Variants in C5orf24 observed in about 807,000 individuals in gnomAD.
C5orf24 encodes the protein chromosome 5 open reading frame 24.
C5orf24 carries 4 observed loss-of-function variants against 9.8 expected under a neutral mutation model. The ratio of observed to expected loss-of-function variants is 0.41; its 90% CI spans 0.20 to 0.93. The LOEUF is 0.93. Ranked by LOEUF, C5orf24 falls within the 40% of genes least tolerant of loss-of-function variation. The probability of loss-of-function intolerance (pLI) is 0.33; values close to 1 mark genes in which losing one functional copy is unlikely to be tolerated. For synonymous variants in C5orf24, 73 were observed against 81.3 expected (o/e 0.90, Z 0.55); for missense variants, 170 against 236.9 (o/e 0.72, Z 1.85).
At chr5:134,843,154 TTTACTAGA>T (rs1743887094), upstream of C5orf24, among the ~76,000 whole-genome samples, 1 of 152,006 alleles carries the variant, frequency 6.6e-6, no homozygotes, top group African/African-American at 2.4e-5. Flanking sequence ...TTTTTCTATT[TTTACTAGA>T]TACGAGGTTT....
At chr5:134,850,929 T>C (rs1317007710) in intron 1 of C5orf24, among the ~76,000 whole-genome samples, 1 of 149,780 alleles carries the variant, frequency 6.7e-6, no homozygotes, top group Non-Finnish European at 1.5e-5. Flanking sequence ...CATATATATA[T>C]ATATATATAC....
intron 1 of C5orf24, among the ~76,000 whole-genome samples, chr5:134,851,785 A>G (rs545659559): frequency 6.6e-6 from 1 of 152,346 alleles, no homozygotes; most frequent in Non-Finnish European, 1.5e-5. Context: ...GGATTAAATC[A>G]GATAATGTGC....
At chr5:134,854,149 G>A (rs374679230) in intron 1 of C5orf24, among the ~76,000 whole-genome samples, 1 of 152,180 alleles carries the variant, frequency 6.6e-6, no homozygotes, top group African/African-American at 2.4e-5. Flanking sequence ...TAAGTCTTAA[G>A]CATTTGTATA....
At chr5:134,839,547 G>C in the C5orf24 span, among the ~76,000 whole-genome samples, 3 of 152,120 alleles carry the variant, frequency 2.0e-5, no homozygotes, top group African/African-American at 7.2e-5. Context: ...GTTTTTTTCA[G>C]TTTGGCCTGC....
rs556697615 is a variant in C5orf24, at chr5:134,852,982, G to C, written c.-3-1916G>C. On this transcript the variant is annotated intron_variant, in intron 1 of 1. Coordinates refer to ENST00000394976, the MANE Select transcript of C5orf24 (RefSeq NM_001135586.1). The stretch of plus-strand genomic sequence containing the variant: ...AGATCAAGACCATCCTGGCTAACAC[G>C]GTGAAACCCCATCTCTACTAAAAAT... Among the ~76,000 whole-genome samples, 5 of 152,242 alleles carry C rather than the reference G, an allele frequency of 3.3e-5. No individual in the cohort carries two copies. The East Asian group carries it at 7.7e-4, about 23-fold the overall frequency.
chr5:134,843,437 T>C (rs1314426399), upstream of C5orf24, among the ~76,000 whole-genome samples: 2 of 152,292 alleles, frequency 1.3e-5, no homozygotes, highest in South Asian at 2.1e-4. Flanking sequence ...ATTTTCTTTT[T>C]TCTTTATATC....
chr5:134,856,218 C>T lies in C5orf24; in HGVS notation c.*751C>T. On this transcript the variant is annotated 3_prime_UTR_variant, in exon 2 of 2. Coordinates refer to ENST00000394976, the MANE Select transcript of C5orf24 (RefSeq NM_001135586.1). ...ACTATTTTATAAAAACTGCACATTACATTTTTGGTGAAATATAGTGCATTC... is the reference window on the plus strand; with the variant it reads ...ACTATTTTATAAAAACTGCACATTATATTTTTGGTGAAATATAGTGCATTC... 2 of 992,442 alleles carry T rather than the reference C, an allele frequency of 2.0e-6. No homozygotes were observed. The highest frequency in any genetic ancestry group is 2.4e-6 in the Non-Finnish European group (2 of 822,938). 61.5% of individuals were successfully genotyped at this position (992,442 alleles called of 1,614,324 possible).
In C5orf24 at chr5:134,850,937, T is replaced by TAC. The variant is rs1554159307; in HGVS notation, c.-3-3944_-3-3943dup. ...GAATGTTCATATATATATATATATA[T>TAC]ACACACACACACACACACTACACAC... On this transcript the variant is annotated intron_variant, in intron 1 of 1. Transcript: ENST00000394976. Among the ~76,000 whole-genome samples, 500 of 147,048 alleles carry TAC rather than the reference T, an allele frequency of 3.4e-3. 2 individuals are homozygous for TAC. The highest frequency in any genetic ancestry group is 8.2e-3 in the East Asian group (42 of 5,110).
upstream of C5orf24, among the ~76,000 whole-genome samples, chr5:134,843,507 A>G (rs1034018024): frequency 2.0e-5 from 3 of 151,698 alleles, no homozygotes; most frequent in African/African-American, 4.8e-5. Flanking sequence ...GGCTCACTGT[A>G]ATCCCTGCCT....
Position 134,855,490 on chromosome 5 carries a change from G to C in C5orf24, c.*23G>C. The C allele has an allele frequency of 1.2e-6, 2 of 1,611,104 alleles. No homozygotes were observed. The highest frequency in any genetic ancestry group is 1.7e-6 in the Non-Finnish European group (2 of 1,179,380). Reference sequence around the variant, plus strand: ...TGAATGAGGCAGGAAAAGAGGGCCAGGTTTAGAAGGAAGATTGTGAATAAT... The same window carrying C: ...TGAATGAGGCAGGAAAAGAGGGCCACGTTTAGAAGGAAGATTGTGAATAAT... On this transcript the variant is annotated 3_prime_UTR_variant, in exon 2 of 2. Coordinates refer to ENST00000394976, the MANE Select transcript of C5orf24 (RefSeq NM_001135586.1).
chr5:134,848,067 C>G (rs966368263), intron 1 of C5orf24, among the ~76,000 whole-genome samples: 67 of 152,184 alleles, frequency 4.4e-4, no homozygotes, highest in African/African-American at 1.5e-3. Flanking sequence ...AATCCCAGCA[C>G]TTAGGGAGGC....
chr5:134,854,809 G>T, intron 1 of C5orf24, 89 bp from the exon 2 acceptor site: 2 of 1,421,892 alleles, frequency 1.4e-6, no homozygotes, highest in African/African-American at 1.4e-5. Flanking sequence ...ATAGTTGTTG[G>T]AAGACAGACT....
intron 1 of C5orf24, among the ~76,000 whole-genome samples, chr5:134,851,947 T>G (rs1267436011): frequency 6.6e-6 from 1 of 152,180 alleles, no homozygotes; most frequent in Non-Finnish European, 1.5e-5. Flanking sequence ...AATAATCTAG[T>G]CCTTTTTGTT....
chr5:134,836,535 G>A, the C5orf24 span, among the ~76,000 whole-genome samples: 1 of 151,494 alleles, frequency 6.6e-6, no homozygotes, highest in Admixed American at 6.6e-5. Context: ...TAAGGTTATT[G>A]TTTTTGTTTT....
At chr5:134,840,409 C>T in the C5orf24 span, among the ~76,000 whole-genome samples, 6 of 151,174 alleles carry the variant, frequency 4.0e-5, no homozygotes, top group Non-Finnish European at 8.8e-5. Context: ...AGGTCTTGCT[C>T]TGTTGTTCAG....
chr5:134,842,190 T>C (rs1166346300), upstream of C5orf24, among the ~76,000 whole-genome samples: 1 of 152,096 alleles, frequency 6.6e-6, no homozygotes, highest in Non-Finnish European at 1.5e-5. Context: ...GTCTGCTCCA[T>C]TGAATCTAAA....
the C5orf24 span, among the ~76,000 whole-genome samples, chr5:134,838,781 C>CAA: frequency 9.2e-5 from 11 of 119,510 alleles, no homozygotes; most frequent in Admixed American, 3.4e-4. Flanking sequence ...CTCGTCTCTA[C>CAA]AAAAAAAAAA....
Position 134,856,097 on chromosome 5 carries a change from GTTTGCC to G in C5orf24, c.*635_*640del, listed in dbSNP as rs1756302954. ...ATTATACCTGAAATAATTCTTCAGTGTTTGCCTTTGAGCAGTGATAGGTTGTGTATT... is the reference window on the plus strand; with the variant it reads ...ATTATACCTGAAATAATTCTTCAGTGTTTGAGCAGTGATAGGTTGTGTATT... On this transcript the variant is annotated 3_prime_UTR_variant, in exon 2 of 2. Coordinates refer to ENST00000394976, the MANE Select transcript of C5orf24 (RefSeq NM_001135586.1). The G allele has an allele frequency of 2.0e-6, 2 of 1,000,386 alleles. No individual in the cohort carries two copies. Among genetic ancestry groups the G allele is most frequent in the African/African-American group, 3.5e-5 (2 of 57,220 alleles). The allele number at this position is 1,000,386 out of a possible 1,614,324, so 62.0% of individuals were successfully genotyped here.
chr5:134,850,985 G>A (rs1335325968), intron 1 of C5orf24, among the ~76,000 whole-genome samples: 1 of 147,368 alleles, frequency 6.8e-6, no homozygotes, highest in Non-Finnish European at 1.5e-5. Context: ...TATACATACA[G>A]AAATACATAT....
Sources: gnomAD v4.1 joint callset for allele counts (sites outside exome capture counted in the v4.1 genomes callset) on GRCh38, gnomAD v4.1.1 for gene constraint, MANE v1.5 for transcripts, NCBI Gene and HGNC (gene_info 2026-07-23, HGNC 2026-07-21) for gene names.